TMEM135: variants seen among roughly 807,000 people sequenced by gnomAD.
The protein encoded by TMEM135 is peroxisomal membrane protein 52.
Under a neutral mutation model 60.3 loss-of-function variants are expected in TMEM135, and 30 were observed. The observed-to-expected ratio is 0.50, with a 90% CI of 0.37 to 0.68. The LOEUF (loss-of-function observed/expected upper bound fraction) is 0.68. Ranked by LOEUF, TMEM135 falls within the 30% of genes least tolerant of loss-of-function variation. The pLI is 0.00. For missense variants in TMEM135, 468 were observed against 548.8 expected, an observed-to-expected ratio of 0.85 and a Z score of 1.47; for synonymous variants, 190 against 186.7, an observed-to-expected ratio of 1.02 and a Z score of -0.14.
chr11:87,065,355 A>G (rs2512360), intron 1 of TMEM135, among the ~76,000 whole-genome samples: 70,853 of 152,000 alleles, frequency 0.47, 17,299 homozygotes, highest in East Asian at 0.64. Flanking sequence ...CCAACATTTG[A>G]TGTTGTCACT....
intron 6 of TMEM135, among the ~76,000 whole-genome samples, chr11:87,253,852 G>A: frequency 6.6e-6 from 1 of 151,508 alleles, no homozygotes; most frequent in Non-Finnish European, 1.5e-5. Flanking sequence ...TTTGTTTCAT[G>A]TTTTACAAAT....
At chr11:87,289,705 C>T (rs1942232798) in intron 6 of TMEM135, among the ~76,000 whole-genome samples, 4 of 152,138 alleles carry the variant, frequency 2.6e-5, no homozygotes, top group Admixed American at 2.6e-4. Context: ...ATCCGCCCGC[C>T]TTGGCTTCCC....
chr11:87,223,237 T>C (rs1940685338), intron 5 of TMEM135, among the ~76,000 whole-genome samples: 1 of 149,452 alleles, frequency 6.7e-6, no homozygotes, highest in African/African-American at 2.5e-5. Context: ...CGATCTCGGC[T>C]CACTGCAAGC....
chr11:87,291,990 T>C (rs191938007), intron 6 of TMEM135, among the ~76,000 whole-genome samples: 18 of 152,292 alleles, frequency 1.2e-4, no homozygotes, highest in African/African-American at 3.8e-4. Flanking sequence ...TTCCTACCGC[T>C]ACTTCCCTCC....
intron 1 of TMEM135, among the ~76,000 whole-genome samples, chr11:87,053,016 G>C (rs2135117020): frequency 1.6e-5 from 2 of 126,426 alleles, no homozygotes; most frequent in South Asian, 5.7e-4. Context: ...CCTTTGTAGG[G>C]ACATGGATGA....
intron 5 of TMEM135, among the ~76,000 whole-genome samples, chr11:87,158,620 C>T (rs1354627583): frequency 2.2e-5 from 3 of 137,616 alleles, no homozygotes. Flanking sequence ...CGCCACAACG[C>T]CCGGCTAATT....
chr11:87,116,330 A>G (rs751846527), intron 4 of TMEM135, among the ~76,000 whole-genome samples: 1 of 152,156 alleles, frequency 6.6e-6, no homozygotes, highest in African/African-American at 2.4e-5. Flanking sequence ...TTTCCAACAT[A>G]TGGCTTCAAT....
At chr11:87,314,586 A>G (rs1942694587) in intron 12 of TMEM135, 39 bp downstream of exon 12, 5 of 1,539,824 alleles carry the variant, frequency 3.2e-6, no homozygotes, top group Non-Finnish European at 3.6e-6. Flanking sequence ...TCCAAAGAAC[A>G]TAAAGCTTTT....
At chr11:87,221,561 T>G (rs644471) in intron 5 of TMEM135, among the ~76,000 whole-genome samples, 1 of 151,964 alleles carries the variant, frequency 6.6e-6, no homozygotes, top group Non-Finnish European at 1.5e-5. Context: ...TTATATGGAC[T>G]AGATTCATTC....
At chr11:87,153,545 C>A (rs1156627423) in intron 4 of TMEM135, among the ~76,000 whole-genome samples, 1 of 152,092 alleles carries the variant, frequency 6.6e-6, no homozygotes, top group Non-Finnish European at 1.5e-5. Flanking sequence ...CTAAAAGAGG[C>A]CACCCTTGAT....
intron 1 of TMEM135, among the ~76,000 whole-genome samples, chr11:87,053,865 C>G (rs541980357): frequency 2.0e-5 from 3 of 152,270 alleles, no homozygotes; most frequent in Admixed American, 2.0e-4. Flanking sequence ...AGTTTTCTTT[C>G]TACTCATTGA....
chr11:87,245,599 T>G (rs1349723477), intron 6 of TMEM135, among the ~76,000 whole-genome samples: 4 of 140,408 alleles, frequency 2.8e-5, no homozygotes, highest in Non-Finnish European at 6.2e-5. Context: ...CCTTTACCAT[T>G]ACGTAATGGC....
intron 1 of TMEM135, among the ~76,000 whole-genome samples, chr11:87,063,812 TTTGG>T (rs1220988161): frequency 4.6e-5 from 7 of 152,342 alleles, no homozygotes. Flanking sequence ...GACTGTACAG[TTTGG>T]TCTATCAATA....
chr11:87,205,709 A>C (rs985141119), intron 5 of TMEM135, among the ~76,000 whole-genome samples: 1 of 152,202 alleles, frequency 6.6e-6, no homozygotes, highest in Non-Finnish European at 1.5e-5. Flanking sequence ...CATATGAATA[A>C]GACAGTGTCT....
chr11:87,126,428 C>T (rs1937731659), intron 4 of TMEM135, among the ~76,000 whole-genome samples: 1 of 151,778 alleles, frequency 6.6e-6, no homozygotes, highest in African/African-American at 2.4e-5. Context: ...AATAATTATT[C>T]ATCCTTTCAA....
At chr11:87,269,247 G>A (rs1941812879) in intron 6 of TMEM135, among the ~76,000 whole-genome samples, 1 of 135,006 alleles carries the variant, frequency 7.4e-6, no homozygotes, top group East Asian at 2.3e-4. Flanking sequence ...TAAGAATCTT[G>A]TAATAGATTT....
intron 1 of TMEM135, among the ~76,000 whole-genome samples, chr11:87,054,996 T>G (rs941922585): frequency 6.6e-6 from 1 of 152,082 alleles, no homozygotes; most frequent in South Asian, 2.1e-4. Context: ...CTACAATGAG[T>G]AAGAAATACT....
intron 6 of TMEM135, among the ~76,000 whole-genome samples, chr11:87,294,814 C>T (rs990976289): frequency 1.3e-5 from 2 of 152,192 alleles, no homozygotes; most frequent in Admixed American, 6.5e-5. Context: ...CACTGAATAA[C>T]AGCAGCAGAA....
At chr11:87,044,798 C>G (rs979598984) in intron 1 of TMEM135, among the ~76,000 whole-genome samples, 1 of 151,538 alleles carries the variant, frequency 6.6e-6, no homozygotes, top group South Asian at 2.1e-4. Context: ...CTACAGGCCG[C>G]GCCACCACGC....
Sources: allele counts gnomAD v4.1 joint callset (sites outside exome capture counted in the v4.1 genomes callset), GRCh38; gene constraint gnomAD v4.1.1; transcripts MANE v1.5; gene names NCBI Gene and HGNC (gene_info 2026-07-23, HGNC 2026-07-21).